The following MKLN1 variants were observed in gnomAD, a reference collection of about 807,000 sequenced individuals.
The protein encoded by MKLN1 is muskelin 1.
In MKLN1, 18 loss-of-function variants were observed where a neutral mutation model predicts 99.0. The ratio of observed to expected loss-of-function variants is 0.18; its 90% confidence interval spans 0.13 to 0.27. The LOEUF (loss-of-function observed/expected upper bound fraction) is 0.27, where lower values mean the gene tolerates loss of function less well. Among genes scored for constraint, MKLN1 ranks in the 10% least tolerant of loss-of-function variants. MKLN1 has a pLI of 1.00. For synonymous variants in MKLN1, 288 were observed against 293.2 expected, an observed-to-expected ratio of 0.98 and a Z score of 0.18; for missense variants, 621 against 875.9, an observed-to-expected ratio of 0.71 and a Z score of 3.67.
chr7:131,192,010 G>A (rs1476675441), intron 2 of MKLN1, among the ~76,000 whole-genome samples: 8 of 143,412 alleles, frequency 5.6e-5, no homozygotes, highest in East Asian at 2.0e-4. Context: ...ATGAGCCACC[G>A]CGCCCAGCCT....
intron 10 of MKLN1, among the ~76,000 whole-genome samples, chr7:131,439,005 G>T (rs1795752598): frequency 6.6e-6 from 1 of 152,094 alleles, no homozygotes; most frequent in African/African-American, 2.4e-5. Context: ...AGTGAGTTAT[G>T]CCTGTGAAGT....
At chr7:131,436,041 G>A (rs887507949) in intron 9 of MKLN1, among the ~76,000 whole-genome samples, 3 of 151,850 alleles carry the variant, frequency 2.0e-5, no homozygotes, top group South Asian at 4.2e-4. Context: ...ATGTTACTCC[G>A]TCTTTGTTTT....
At chr7:131,387,296 C>A (rs185718525) in intron 3 of MKLN1, 34 bp downstream of exon 3, 1 of 1,568,798 alleles carries the variant, frequency 6.4e-7, no homozygotes, top group Non-Finnish European at 8.6e-7. Context: ...GAGCTGTCTT[C>A]TAAACAAAAC....
intron 16 of MKLN1, among the ~76,000 whole-genome samples, chr7:131,473,281 G>A (rs1796877356): frequency 6.6e-6 from 1 of 151,758 alleles, no homozygotes. Flanking sequence ...ACTTGTTTTT[G>A]TTCTGTTTAT....
intron 3 of MKLN1, among the ~76,000 whole-genome samples, chr7:131,387,478 A>G (rs1794067885): frequency 6.6e-6 from 1 of 152,160 alleles, no homozygotes; most frequent in South Asian, 2.1e-4. Context: ...TATTTTTACC[A>G]AAGAAGAAAC....
intron 3 of MKLN1, among the ~76,000 whole-genome samples, chr7:131,204,762 G>A (rs755905291): frequency 1.9e-4 from 29 of 152,034 alleles, no homozygotes; most frequent in Non-Finnish European, 8.8e-5. Context: ...TCAGGAGATC[G>A]AGACCATCCT....
At chr7:131,212,659 C>G (rs1379776296) in intron 3 of MKLN1, among the ~76,000 whole-genome samples, 1 of 152,234 alleles carries the variant, frequency 6.6e-6, no homozygotes, top group Admixed American at 6.5e-5. Context: ...CGCAGTGGCT[C>G]ACGCCTGTAA....
At chr7:131,310,005 G>C (rs10255697) in intron 3 of MKLN1, 1 of 152,196 alleles carries the variant, frequency 6.6e-6, no homozygotes, top group Non-Finnish European at 1.5e-5. Context: ...GATTACAGGC[G>C]TGAGCCACCA....
chr7:131,330,204 C>A (rs567630004), intron 1 of MKLN1, among the ~76,000 whole-genome samples: 1 of 152,292 alleles, frequency 6.6e-6, no homozygotes, highest in East Asian at 1.9e-4. Context: ...GCCCTAAAAT[C>A]CCCTCTAGCA....
At position 131,381,919 on chromosome 7, in the gene MKLN1, G is replaced by T. The variant is rs576350663; in HGVS notation, c.169-5201G>T. On this transcript the variant is annotated intron_variant, in intron 2 of 17. Coordinates refer to ENST00000352689, the MANE Select transcript of MKLN1 (RefSeq NM_013255.5). ...TGTACTCACAAACATACTGGCAAGC[G>T]CAAGTGTCATTATTCAGGTAATAAT... Among the ~76,000 whole-genome samples, 8 of 152,118 alleles carry T rather than the reference G, an allele frequency of 5.3e-5. No individual in the cohort carries two copies. In the South Asian group the frequency reaches 1.7e-3, roughly 32 times the overall value.
intron 1 of MKLN1, among the ~76,000 whole-genome samples, chr7:131,349,709 A>G (rs185770465): frequency 7.9e-5 from 12 of 152,306 alleles, no homozygotes; most frequent in African/African-American, 2.2e-4. Flanking sequence ...ATATTCAGCA[A>G]TTGAGGACTA....
At chr7:131,402,037 C>T (rs1292709786) in intron 6 of MKLN1, among the ~76,000 whole-genome samples, 1 of 152,164 alleles carries the variant, frequency 6.6e-6, no homozygotes, top group Non-Finnish European at 1.5e-5. Context: ...TCAATGAGTT[C>T]TTCCTTTCAC....
chr7:131,414,763 C>A, intron 8 of MKLN1, 53 bp downstream of exon 8: 2 of 990,894 alleles, frequency 2.0e-6, no homozygotes, highest in Non-Finnish European at 1.4e-6. Flanking sequence ...CAGGCATCGT[C>A]TAAACCAGGC....
At chr7:131,263,956 C>A (rs941589146) in intron 3 of MKLN1, among the ~76,000 whole-genome samples, 1 of 152,044 alleles carries the variant, frequency 6.6e-6, no homozygotes, top group Non-Finnish European at 1.5e-5. Flanking sequence ...CAGGATATAG[C>A]CTTTATCCTG....
At chr7:131,110,757 T>A (rs190973087) in intron 1 of MKLN1, among the ~76,000 whole-genome samples, 1 of 152,248 alleles carries the variant, frequency 6.6e-6, no homozygotes, top group African/African-American at 2.4e-5. Flanking sequence ...CCAGCATACC[T>A]CATTCGGCTT....
chr7:131,372,754 A>G (rs1328070657), intron 1 of MKLN1, among the ~76,000 whole-genome samples: 1 of 149,756 alleles, frequency 6.7e-6, no homozygotes, highest in African/African-American at 2.5e-5. Context: ...TAAAGTTCTA[A>G]GAAGTGAAAG....
At chr7:131,243,870 C>T (rs1797444739) in intron 3 of MKLN1, among the ~76,000 whole-genome samples, 1 of 152,184 alleles carries the variant, frequency 6.6e-6, no homozygotes, top group Admixed American at 6.5e-5. Flanking sequence ...AAAAAATTAG[C>T]TGGGCATGGT....
chr7:131,114,270 G>A (rs1795241145), intron 1 of MKLN1, among the ~76,000 whole-genome samples: 1 of 152,174 alleles, frequency 6.6e-6, no homozygotes, highest in Non-Finnish European at 1.5e-5. Context: ...GGGACCTCAG[G>A]AGGAAAAGCA....
intron 1 of MKLN1, among the ~76,000 whole-genome samples, chr7:131,335,375 CAT>C (rs777224486): frequency 1.3e-5 from 2 of 151,874 alleles, no homozygotes; most frequent in Non-Finnish European, 2.9e-5. Context: ...AAGATTAATC[CAT>C]GTTTAAAAAA....
Sources: allele counts gnomAD v4.1 joint callset (sites outside exome capture counted in the v4.1 genomes callset), GRCh38; gene constraint gnomAD v4.1.1; transcripts MANE v1.5; gene names NCBI Gene and HGNC (gene_info 2026-07-23, HGNC 2026-07-21).